Variants in PPP2R2B observed in about 807,000 individuals in gnomAD.
PPP2R2B encodes protein phosphatase 2 regulatory subunit Bbeta.
PPP2R2B carries 5 observed loss-of-function variants against 46.0 expected under a neutral mutation model. The observed-to-expected ratio is 0.11, with a 90% confidence interval of 0.06 to 0.23. PPP2R2B has a LOEUF of 0.23. Ranked by LOEUF, PPP2R2B falls within the 10% of genes least tolerant of loss-of-function variation. The pLI is 1.00. For synonymous variants in PPP2R2B, 215 were observed against 206.7 expected (o/e 1.04, Z -0.34); for missense variants, 367 against 575.0 (o/e 0.64, Z 3.70).
chr5:146,636,990 G>T (rs1774871542), intron 7 of PPP2R2B, among the ~76,000 whole-genome samples: 1 of 152,268 alleles, frequency 6.6e-6, no homozygotes, highest in South Asian at 2.1e-4. Flanking sequence ...TGTGAGGTCT[G>T]TTTCAAATGT....
At chr5:146,828,810 T>C (rs319149) in intron 2 of PPP2R2B, among the ~76,000 whole-genome samples, 22,218 of 152,232 alleles carry the variant, frequency 0.15, 1,768 homozygotes, top group African/African-American at 0.19. Context: ...CTGTTTCTGA[T>C]GTTCAAATAA....
chr5:146,911,703 A>G (rs1763189552), intron 1 of PPP2R2B, among the ~76,000 whole-genome samples: 1 of 152,106 alleles, frequency 6.6e-6, no homozygotes, highest in Non-Finnish European at 1.5e-5. Context: ...GAACCCAAAT[A>G]CCTCTTCCCT....
chr5:146,652,815 G>T (rs1371085362), intron 5 of PPP2R2B, among the ~76,000 whole-genome samples: 1 of 152,050 alleles, frequency 6.6e-6, no homozygotes, highest in Admixed American at 6.6e-5. Context: ...AAAAATGAAA[G>T]GATTTGCAAT....
intron 1 of PPP2R2B, among the ~76,000 whole-genome samples, chr5:146,981,559 C>T (rs1753179983): frequency 3.3e-5 from 5 of 152,052 alleles, no homozygotes; most frequent in Admixed American, 3.3e-4. Flanking sequence ...GGTTCATAAG[C>T]ACTTGAAAGA....
intron 2 of PPP2R2B, among the ~76,000 whole-genome samples, chr5:146,762,924 A>G (rs1207750130): frequency 6.6e-6 from 1 of 152,202 alleles, no homozygotes; most frequent in East Asian, 1.9e-4. Context: ...AATATCACCA[A>G]CATCTGACTA....
intron 1 of PPP2R2B, among the ~76,000 whole-genome samples, chr5:147,043,990 A>G (rs1373013508): frequency 1.3e-5 from 2 of 152,072 alleles, no homozygotes; most frequent in Non-Finnish European, 2.9e-5. Flanking sequence ...TGGTGTCTGC[A>G]TCTGTAAAAT....
chr5:147,003,320 G>A (rs556123195), intron 1 of PPP2R2B, among the ~76,000 whole-genome samples: 1 of 151,982 alleles, frequency 6.6e-6, no homozygotes, highest in South Asian at 2.1e-4. Context: ...AAACCCCCGG[G>A]CTATAGGTTA....
intron 2 of PPP2R2B, among the ~76,000 whole-genome samples, chr5:146,855,017 G>A (rs1223344089): frequency 5.3e-5 from 8 of 152,002 alleles, no homozygotes; most frequent in African/African-American, 9.7e-5. Flanking sequence ...GAGGAATAGG[G>A]GGCATAAAAG....
At chr5:146,977,583 T>C (rs966021216) in intron 1 of PPP2R2B, among the ~76,000 whole-genome samples, 1 of 152,142 alleles carries the variant, frequency 6.6e-6, no homozygotes, top group Admixed American at 6.6e-5. Context: ...TGTCCATGTG[T>C]TCTCACTGTT....
At chr5:146,959,855 A>T (rs2151841016) in intron 1 of PPP2R2B, among the ~76,000 whole-genome samples, 1 of 152,302 alleles carries the variant, frequency 6.6e-6, no homozygotes, top group Non-Finnish European at 1.5e-5. Flanking sequence ...ACTAAGGAAG[A>T]ACAAGGGAGA....
At chr5:146,802,695 A>G (rs1427672010) in intron 2 of PPP2R2B, among the ~76,000 whole-genome samples, 1 of 152,184 alleles carries the variant, frequency 6.6e-6, no homozygotes, top group Non-Finnish European at 1.5e-5. Flanking sequence ...TTTTGTCAGC[A>G]GGTTGGTAAA....
intron 1 of PPP2R2B, among the ~76,000 whole-genome samples, chr5:146,924,885 C>T (rs182692413): frequency 6.6e-6 from 1 of 152,186 alleles, no homozygotes; most frequent in East Asian, 1.9e-4. Context: ...TTTTTTATGG[C>T]TGCATAGTAT....
At chr5:146,652,769 CA>C (rs1470141011) in intron 5 of PPP2R2B, among the ~76,000 whole-genome samples, 1 of 132,320 alleles carries the variant, frequency 7.6e-6, no homozygotes, top group Non-Finnish European at 1.7e-5. Context: ...CACCCCCCCC[CA>C]AAAAGTTTTG....
At chr5:146,954,103 C>T (rs1056816815) in intron 1 of PPP2R2B, among the ~76,000 whole-genome samples, 1 of 149,056 alleles carries the variant, frequency 6.7e-6, no homozygotes, top group Non-Finnish European at 1.5e-5. Flanking sequence ...AAGAGAGGAT[C>T]ACATAGTTTG....
At chr5:146,989,021 G>A (rs1410014191) in intron 1 of PPP2R2B, among the ~76,000 whole-genome samples, 1 of 151,864 alleles carries the variant, frequency 6.6e-6, no homozygotes, top group African/African-American at 2.4e-5. Flanking sequence ...ATAAATTCAT[G>A]GACATGTACA....
intron 1 of PPP2R2B, chr5:147,035,084 G>A (rs1755970055): frequency 2.2e-6 from 1 of 455,402 alleles, no homozygotes; most frequent in Non-Finnish European, 4.4e-6. Flanking sequence ...CAGAAGGAAG[G>A]TGCATTAGTT....
At chr5:146,988,289 A>ATCTG (rs1753525206) in intron 1 of PPP2R2B, among the ~76,000 whole-genome samples, 1 of 151,972 alleles carries the variant, frequency 6.6e-6, no homozygotes, top group South Asian at 2.1e-4. Flanking sequence ...ATTATAAAAC[A>ATCTG]TACCACTAAA....
At chr5:146,949,025 G>A (rs1465938084) in intron 1 of PPP2R2B, among the ~76,000 whole-genome samples, 1 of 152,060 alleles carries the variant, frequency 6.6e-6, no homozygotes, top group Non-Finnish European at 1.5e-5. Flanking sequence ...AGAACTTCAT[G>A]GGTAATTCCT....
chr5:146,900,309 T>C (rs1762784140), intron 1 of PPP2R2B, among the ~76,000 whole-genome samples: 2 of 152,144 alleles, frequency 1.3e-5, no homozygotes, highest in Admixed American at 6.5e-5. Flanking sequence ...ACTGGGCCTT[T>C]GAACACACAA....
Sources: gnomAD v4.1 joint callset for allele counts (sites outside exome capture counted in the v4.1 genomes callset) on GRCh38, gnomAD v4.1.1 for gene constraint, MANE v1.5 for transcripts, NCBI Gene and HGNC (gene_info 2026-07-23, HGNC 2026-07-21) for gene names.